Variants in PDE4B observed in about 807,000 individuals in gnomAD.
PDE4B encodes the protein phosphodiesterase 4B.
In PDE4B, 20 loss-of-function variants were observed where a neutral mutation model predicts 82.2. The observed-to-expected ratio is 0.24, with a 90% CI of 0.17 to 0.35. The LOEUF (loss-of-function observed/expected upper bound fraction) is 0.35. Among genes scored for constraint, PDE4B ranks in the 10% least tolerant of loss-of-function variants. PDE4B has a pLI of 1.00. For synonymous variants in PDE4B, 320 were observed against 318.9 expected, an observed-to-expected ratio of 1.00 and a Z score of -0.04; for missense variants, 655 against 907.2, an observed-to-expected ratio of 0.72 and a Z score of 3.57.
At chr1:66,135,522 T>C (rs1250653142) in intron 3 of PDE4B, among the ~76,000 whole-genome samples, 2 of 152,078 alleles carry the variant, frequency 1.3e-5, no homozygotes, top group South Asian at 2.1e-4. Flanking sequence ...GAGATAATGA[T>C]TGAAATATGG....
chr1:65,926,803 C>G (rs971719382), intron 3 of PDE4B, among the ~76,000 whole-genome samples: 1 of 144,610 alleles, frequency 6.9e-6, no homozygotes, highest in Non-Finnish European at 1.6e-5. Flanking sequence ...ACACACACAC[C>G]CCTTAGGCAT....
intron 6 of PDE4B, among the ~76,000 whole-genome samples, chr1:66,265,808 G>A (rs1654990781): frequency 6.6e-6 from 1 of 152,172 alleles, no homozygotes; most frequent in African/African-American, 2.4e-5. Flanking sequence ...TTCCTGGAGA[G>A]TCTGAGCATC....
rs114182101 is a variant in PDE4B at position 65,818,254 on chromosome 1, A to G, written c.-71+25006A>G. Among the ~76,000 whole-genome samples, 548 of 152,340 alleles carry G rather than the reference A, an allele frequency of 3.6e-3. 2 individuals carry two copies. Among genetic ancestry groups the G allele is most frequent in the African/African-American group, 0.013 (524 of 41,582 alleles). On this transcript the variant is annotated intron_variant, in intron 1 of 16. Coordinates refer to ENST00000341517, the MANE Select transcript of PDE4B (RefSeq NM_002600.4). ...CTGGCACTCTAAGCTTTTCCTGCTC[A>G]GGACTCTGCCTAAATGTCTTTTCTT... is the stretch of plus-strand genomic sequence containing the variant.
intron 3 of PDE4B, among the ~76,000 whole-genome samples, chr1:65,969,748 GAAGA>G (rs1650033086): frequency 2.6e-5 from 4 of 152,034 alleles, no homozygotes; most frequent in African/African-American, 9.7e-5. Flanking sequence ...CATTAAAAAA[GAAGA>G]AAGGTTAGGT....
chr1:65,911,470 G>T (rs11208768), intron 1 of PDE4B, among the ~76,000 whole-genome samples: 1 of 150,168 alleles, frequency 6.7e-6, no homozygotes, highest in Non-Finnish European at 1.5e-5. Flanking sequence ...TATATCCTGC[G>T]TTTAAAACAC....
intron 7 of PDE4B, among the ~76,000 whole-genome samples, chr1:66,275,299 T>C (rs1342017203): frequency 2.0e-5 from 3 of 152,156 alleles, no homozygotes; most frequent in Non-Finnish European, 2.9e-5. Flanking sequence ...TACACACCTA[T>C]TCAGGCATAG....
At chr1:65,888,685 A>C (rs946516837) in intron 1 of PDE4B, among the ~76,000 whole-genome samples, 1 of 151,960 alleles carries the variant, frequency 6.6e-6, no homozygotes, top group Non-Finnish European at 1.5e-5. Flanking sequence ...TTTATTCCTA[A>C]GTATTTAATT....
chr1:66,367,624 C>T (rs1663344695), intron 13 of PDE4B, 72 bp from the exon 14 acceptor site: 2 of 1,286,568 alleles, frequency 1.6e-6, no homozygotes, highest in South Asian at 2.8e-5. Flanking sequence ...GGTCTGATTT[C>T]ACTTTGAGAT....
chr1:65,922,189 C>A lies in PDE4B; in HGVS notation c.281+3354C>A, dbSNP rs12085590. 9.9e-3 allele frequency among the ~76,000 whole-genome samples: 1,500 copies of A among 152,270 alleles called. 30 individuals carry two copies. The highest frequency in any genetic ancestry group is 0.033 in the African/African-American group (1,369 of 41,552). ...AGATGAGTTTCTATTATAATACAATCTCCAAAAGACACAAATGAACAAACA... is the reference window on the plus strand; with the variant it reads ...AGATGAGTTTCTATTATAATACAATATCCAAAAGACACAAATGAACAAACA... On this transcript the variant is annotated intron_variant, in intron 3 of 16. Transcript: ENST00000341517.
chr1:66,245,553 A>G (rs1291504961), intron 3 of PDE4B, among the ~76,000 whole-genome samples: 1 of 152,164 alleles, frequency 6.6e-6, no homozygotes, highest in Non-Finnish European at 1.5e-5. Context: ...TCGCTTTATT[A>G]TATTTTTGCT....
chr1:65,806,391 A>G (rs1645755118), intron 1 of PDE4B, among the ~76,000 whole-genome samples: 1 of 152,206 alleles, frequency 6.6e-6, no homozygotes. Context: ...CACTTACACA[A>G]TTAATTTTAT....
intron 3 of PDE4B, among the ~76,000 whole-genome samples, chr1:65,997,952 G>T (rs1327348793): frequency 1.3e-5 from 2 of 152,170 alleles, no homozygotes; most frequent in Admixed American, 1.3e-4. Context: ...TTTGTGTGGG[G>T]TTGTGACAAA....
At chr1:65,845,408 G>C (rs1257542344) in intron 1 of PDE4B, among the ~76,000 whole-genome samples, 1 of 152,048 alleles carries the variant, frequency 6.6e-6, no homozygotes, top group African/African-American at 2.4e-5. Context: ...CAGTTATTAA[G>C]ACTTAGTCTA....
chr1:66,182,249 T>G (rs192549752), intron 3 of PDE4B, among the ~76,000 whole-genome samples: 2 of 152,160 alleles, frequency 1.3e-5, no homozygotes, highest in Non-Finnish European at 2.9e-5. Context: ...CTTCGTTATA[T>G]CTGTACCTAT....
At chr1:65,969,573 T>C (rs966128446) in intron 3 of PDE4B, among the ~76,000 whole-genome samples, 2 of 152,200 alleles carry the variant, frequency 1.3e-5, no homozygotes, top group African/African-American at 4.8e-5. Context: ...TTCTGAATAT[T>C]TCAAAGCACT....
intron 3 of PDE4B, among the ~76,000 whole-genome samples, chr1:66,211,973 T>C (rs1650087571): frequency 6.6e-6 from 1 of 152,208 alleles, no homozygotes; most frequent in Admixed American, 6.5e-5. Flanking sequence ...TTTTCTTGCT[T>C]TCTACCACCA....
intron 3 of PDE4B, among the ~76,000 whole-genome samples, chr1:66,160,765 G>A (rs1466475472): frequency 1.3e-5 from 2 of 152,194 alleles, no homozygotes; most frequent in African/African-American, 4.8e-5. Flanking sequence ...CTCATGGAAA[G>A]TTGTCTAAAA....
rs1491459167 is a variant in PDE4B at position 66,303,370 on chromosome 1, T to TATAC, written c.635-29137_635-29136insTACA. ...GTGTGTGTGTATATATATATATATA[T>TATAC]ACACACACACAGTGAAATGATTAAA... On this transcript the variant is annotated intron_variant, in intron 7 of 16. Transcript: ENST00000341517. Among the ~76,000 whole-genome samples, 133 of 130,808 alleles carry TATAC rather than the reference T, an allele frequency of 1.0e-3. 1 individual carries two copies. Among genetic ancestry groups the TATAC allele is most frequent in the African/African-American group, 3.1e-3 (115 of 37,014 alleles). 85.8% of individuals were successfully genotyped at this position (130,808 alleles called of 152,430 possible). A position where few individuals can be genotyped will look rare whatever the true frequency, so the allele number is the denominator to read the frequency against.
intron 3 of PDE4B, among the ~76,000 whole-genome samples, chr1:66,164,954 G>A (rs953437773): frequency 4.6e-5 from 7 of 151,332 alleles, no homozygotes; most frequent in African/African-American, 1.7e-4. Context: ...GTAGAGACGG[G>A]GTTTCACTGT....
Sources: gnomAD v4.1 joint callset for allele counts (sites outside exome capture counted in the v4.1 genomes callset) on GRCh38, gnomAD v4.1.1 for gene constraint, MANE v1.5 for transcripts, NCBI Gene and HGNC (gene_info 2026-07-23, HGNC 2026-07-21) for gene names.